METAP2: variants seen among roughly 807,000 people sequenced by gnomAD.
The protein encoded by METAP2 is methionine aminopeptidase 2.
A neutral mutation model predicts 59.4 loss-of-function variants in METAP2; 25 were observed. The ratio of observed to expected loss-of-function variants is 0.42; its 90% CI spans 0.31 to 0.59. The LOEUF (loss-of-function observed/expected upper bound fraction) is 0.59, where lower values mean the gene tolerates loss of function less well. Among genes scored for constraint, METAP2 ranks in the 20% least tolerant of loss-of-function variants. METAP2 has a pLI of 0.16. For synonymous variants in METAP2, 214 were observed against 194.1 expected, an observed-to-expected ratio of 1.10 and a Z score of -0.85; for missense variants, 366 against 581.2, an observed-to-expected ratio of 0.63 and a Z score of 3.81.
intron 2 of METAP2, among the ~76,000 whole-genome samples, chr12:95,481,703 C>T (rs933577845): frequency 2.6e-5 from 4 of 152,104 alleles, no homozygotes; most frequent in African/African-American, 7.2e-5. Flanking sequence ...ATGAAGAAAC[C>T]AGGGTAGAGG....
chr12:95,511,872 T>C (rs1296170969), intron 8 of METAP2, 23 bp from the exon 9 acceptor site: 3 of 1,540,156 alleles, frequency 1.9e-6, no homozygotes, highest in East Asian at 4.5e-5. Flanking sequence ...GAATGACTTT[T>C]ATTTCCCTAT....
intron 7 of METAP2, among the ~76,000 whole-genome samples, chr12:95,497,624 C>A (rs2076284868): frequency 6.6e-6 from 1 of 152,126 alleles, no homozygotes. Context: ...GTAATTATAT[C>A]TTTTTAAACT....
intron 1 of METAP2, 130 bp from the exon 2 acceptor site, chr12:95,475,941 A>G: frequency 3.4e-6 from 2 of 582,184 alleles, no homozygotes; most frequent in Middle Eastern, 3.5e-4. Context: ...GAATTCTGTT[A>G]TGTTCACAAT....
intron 4 of METAP2, among the ~76,000 whole-genome samples, chr12:95,493,536 A>G (rs1484242696): frequency 6.6e-6 from 1 of 152,218 alleles, no homozygotes; most frequent in Non-Finnish European, 1.5e-5. Flanking sequence ...TCAAGGAAGA[A>G]TACCTCTTAT....
Position 95,508,712 on chromosome 12 carries a change from A to G in METAP2, c.965-3183A>G, listed in dbSNP as rs1419132902. 2.0e-5 allele frequency among the ~76,000 whole-genome samples: 3 copies of G among 149,904 alleles called. No homozygotes were observed. In the East Asian group the frequency reaches 5.8e-4, roughly 29 times the overall value. On this transcript the variant is annotated intron_variant, in intron 8 of 10. Coordinates refer to ENST00000323666, the MANE Select transcript of METAP2 (RefSeq NM_006838.4). ...TTGTTTGGTATGTGGTCTGCCTTTCAAGGTATGGTAGGTGACAGTTTGACT... is the reference window on the plus strand; with the variant it reads ...TTGTTTGGTATGTGGTCTGCCTTTCGAGGTATGGTAGGTGACAGTTTGACT...
At chr12:95,504,295 A>G (rs569345367) in intron 8 of METAP2, 134 bp downstream of exon 8, 161 of 624,346 alleles carry the variant, frequency 2.6e-4, no homozygotes, top group Admixed American at 1.3e-3. Flanking sequence ...ACCTGCTTAG[A>G]GCATGGTAGG....
intron 1 of METAP2, among the ~76,000 whole-genome samples, chr12:95,475,154 C>T (rs1254052133): frequency 6.6e-6 from 1 of 152,146 alleles, no homozygotes; most frequent in East Asian, 1.9e-4. Flanking sequence ...GCACAAGCTC[C>T]TTCACCTTAA....
At chr12:95,484,925 C>G in intron 3 of METAP2, 1 of 439,228 alleles carries the variant, frequency 2.3e-6, no homozygotes, top group Non-Finnish European at 4.5e-6. Context: ...TTGAATGTCT[C>G]TTTATTTGTT....
intron 2 of METAP2, among the ~76,000 whole-genome samples, chr12:95,482,797 A>C (rs975168430): frequency 5.9e-5 from 9 of 152,140 alleles, no homozygotes; most frequent in African/African-American, 1.9e-4. Context: ...GTTTCAAAAA[A>C]AGAAAGAAAA....
intron 9 of METAP2, 146 bp downstream of exon 9, chr12:95,512,144 A>T (rs2076407500): frequency 1.6e-6 from 1 of 609,056 alleles, no homozygotes; most frequent in South Asian, 2.4e-5. Context: ...GGCCATTTGA[A>T]TTTGCAAATT....
chr12:95,491,427 G>A (rs1400763495), intron 4 of METAP2, among the ~76,000 whole-genome samples: 11 of 152,298 alleles, frequency 7.2e-5, no homozygotes, highest in African/African-American at 2.6e-4. Flanking sequence ...CTTATAGGCA[G>A]AGTTAAAATA....
At chr12:95,513,525 A>G in intron 10 of METAP2, 127 bp from the exon 11 acceptor site, 1 of 1,041,396 alleles carries the variant, frequency 9.6e-7, no homozygotes, top group Non-Finnish European at 1.4e-6. Flanking sequence ...TGATTGTTGA[A>G]AGAGCAACAA....
chr12:95,511,110 TCTTA>T (rs1384505412), intron 8 of METAP2, among the ~76,000 whole-genome samples: 2 of 152,168 alleles, frequency 1.3e-5, no homozygotes, highest in Non-Finnish European at 2.9e-5. Context: ...CTTTCTTCTT[TCTTA>T]CTTCTATTTC....
rs558987957 is a variant in METAP2, at chr12:95,505,684, G to A, written c.964+1523G>A. ...TGCTTTTTGTATTTTTAGTAGAGGC[G>A]GGGTTTTGTCATGTTGGCCAGGCTG... On this transcript the variant is annotated intron_variant, in intron 8 of 10. Coordinates refer to ENST00000323666, the MANE Select transcript of METAP2 (RefSeq NM_006838.4). 1.1e-3 allele frequency among the ~76,000 whole-genome samples: 162 copies of A among 152,068 alleles called. No homozygotes were observed. In the South Asian group the frequency reaches 0.011, roughly 10 times the overall value.
At chr12:95,497,530 A>G (rs572462144) in intron 7 of METAP2, among the ~76,000 whole-genome samples, 1 of 152,238 alleles carries the variant, frequency 6.6e-6, no homozygotes, top group East Asian at 1.9e-4. Context: ...TATTGCTGCT[A>G]TGAATACGGG....
rs2076193186 is a variant in METAP2, at chr12:95,485,918, A to G, written c.365A>G (p.Asp122Gly). 6.3e-7 allele frequency: 1 copy of G among 1,591,014 alleles called. No individual in the cohort carries two copies. The highest frequency in any genetic ancestry group is 8.5e-7 in the Non-Finnish European group (1 of 1,171,638). The change falls in exon 4 of 11, where the codon GAC becomes GGC. Residue 122 changes from aspartate to glycine, a missense_variant. By Grantham distance (94) the Asp-to-Gly change is moderately conservative. Transcript: ENST00000323666. ...GACCCTCCCTCAGTTCCAATATGTGACCTGTATCCTAATGGTGTATTTCCC... is the reference window on the plus strand; with the variant it reads ...GACCCTCCCTCAGTTCCAATATGTGGCCTGTATCCTAATGGTGTATTTCCC... ...QTDPPSVPIC[D>G]LYPNGVFPKG... is the part of the protein sequence containing the mutation.
intron 4 of METAP2, among the ~76,000 whole-genome samples, chr12:95,487,964 A>G (rs919210535): frequency 1.3e-5 from 2 of 151,800 alleles, no homozygotes; most frequent in African/African-American, 4.8e-5. Flanking sequence ...TCTGCAATAA[A>G]CCTCCTTAGG....
At chr12:95,484,492 T>TAAA (rs543386243) in intron 3 of METAP2, among the ~76,000 whole-genome samples, 3 of 142,316 alleles carry the variant, frequency 2.1e-5, no homozygotes, top group Non-Finnish European at 3.1e-5. Flanking sequence ...TTTCTTAAAT[T>TAAA]AAAAAAAAAA....
At chr12:95,506,207 G>A (rs887945800) in intron 8 of METAP2, among the ~76,000 whole-genome samples, 4 of 151,904 alleles carry the variant, frequency 2.6e-5, no homozygotes, top group African/African-American at 7.3e-5. Flanking sequence ...TCAGCTTCCC[G>A]AGTAGCTGGG....
Sources: allele counts gnomAD v4.1 joint callset (sites outside exome capture counted in the v4.1 genomes callset), GRCh38; gene constraint gnomAD v4.1.1; transcripts MANE v1.5; gene names NCBI Gene and HGNC (gene_info 2026-07-23, HGNC 2026-07-21).